Variants in PCNX2 observed in about 807,000 individuals in gnomAD.
PCNX2 encodes the protein pecanex-like protein 2.
PCNX2 carries 168 observed loss-of-function variants against 223.8 expected under a neutral mutation model. The ratio of observed to expected loss-of-function variants is 0.75; its 90% confidence interval spans 0.66 to 0.85. The LOEUF is 0.85. Ranked by LOEUF, PCNX2 falls within the 40% of genes least tolerant of loss-of-function variation. The pLI is 0.00. For synonymous variants in PCNX2, 1,006 were observed against 1,052.6 expected (o/e 0.96, Z 0.86); for missense variants, 2,507 against 2,675.5 (o/e 0.94, Z 1.39).
the PCNX2 span, among the ~76,000 whole-genome samples, chr1:233,325,351 G>A: frequency 6.6e-6 from 1 of 152,010 alleles, no homozygotes; most frequent in Non-Finnish European, 1.5e-5. Context: ...AATAGCAAGC[G>A]AACTGGAATT....
intron 9 of PCNX2, among the ~76,000 whole-genome samples, chr1:233,232,351 G>A (rs1029251446): frequency 3.3e-5 from 5 of 152,176 alleles, no homozygotes; most frequent in Non-Finnish European, 7.3e-5. Flanking sequence ...GTTGGCTAAT[G>A]TAAGTGTTCT....
At chr1:233,231,163 C>A (rs1658036695) in intron 9 of PCNX2, among the ~76,000 whole-genome samples, 1 of 152,006 alleles carries the variant, frequency 6.6e-6, no homozygotes, top group African/African-American at 2.4e-5. Flanking sequence ...AGTCTGGGCT[C>A]TTTCTACAAT....
At position 233,259,047 on chromosome 1, in the gene PCNX2, G is replaced by T; in HGVS notation, c.815C>A (p.Ser272Tyr). ...ATTCTCACTCCCCCACGGCTGGAAAGAAACGTCTGTTTCTAGTAAGTCATA... is the reference window on the plus strand; with the variant it reads ...ATTCTCACTCCCCCACGGCTGGAAATAAACGTCTGTTTCTAGTAAGTCATA... ...SQYDLLETDV[S>Y]FQPWGSENSV... The change falls in exon 5 of 34, where the codon TCT becomes TAT. Residue 272 changes from serine (S) to tyrosine (Y), a missense_variant. By Grantham distance (144) the Ser-to-Tyr change is moderately radical. Transcript: ENST00000258229. 1 of 1,613,980 alleles carries T rather than the reference G, an allele frequency of 6.2e-7. No homozygotes were observed. The highest frequency in any genetic ancestry group is 8.5e-7 in the Non-Finnish European group (1 of 1,179,884).
At chr1:233,019,409 AG>A (rs770122735) in intron 26 of PCNX2, among the ~76,000 whole-genome samples, 76 of 152,276 alleles carry the variant, frequency 5.0e-4, no homozygotes, top group Non-Finnish European at 9.6e-4. Flanking sequence ...CTTCGATATA[AG>A]GAGGAAGGAA....
At chr1:233,186,631 T>C (rs1413727325) in intron 15 of PCNX2, among the ~76,000 whole-genome samples, 1 of 152,234 alleles carries the variant, frequency 6.6e-6, no homozygotes, top group Non-Finnish European at 1.5e-5. Flanking sequence ...TAGGTCAATA[T>C]GTGTCCCGCA....
intron 23 of PCNX2, among the ~76,000 whole-genome samples, chr1:233,075,989 CTAATAAAAATAG>C (rs1472945966): frequency 6.6e-6 from 1 of 152,056 alleles, no homozygotes; most frequent in Non-Finnish European, 1.5e-5. Flanking sequence ...GCAAATGCAA[CTAATAAAAATAG>C]TAATAAAAAA....
At chr1:233,202,311 C>A (rs1374173712) in intron 13 of PCNX2, 1 of 371,374 alleles carries the variant, frequency 2.7e-6, no homozygotes, top group African/African-American at 2.2e-5. Context: ...CCTCTCACTT[C>A]TTCCTAACTT....
intron 32 of PCNX2, among the ~76,000 whole-genome samples, chr1:232,993,152 C>G (rs1427256560): frequency 6.6e-6 from 1 of 152,158 alleles, no homozygotes; most frequent in Non-Finnish European, 1.5e-5. Flanking sequence ...CAGAAGAAGA[C>G]AGGCAGATGA....
chr1:233,007,323 C>T (rs6676972), intron 28 of PCNX2, among the ~76,000 whole-genome samples: 24,310 of 151,754 alleles, frequency 0.16, 2,517 homozygotes, highest in Non-Finnish European at 0.23. Flanking sequence ...CTCATTCTCA[C>T]GGATGCATGA....
At chr1:232,989,680 T>C (rs1159233565) in intron 32 of PCNX2, among the ~76,000 whole-genome samples, 2 of 152,150 alleles carry the variant, frequency 1.3e-5, no homozygotes, top group African/African-American at 2.4e-5. Context: ...TACACTAACA[T>C]GTAAGTAAAG....
At chr1:233,302,101 G>T in the PCNX2 span, among the ~76,000 whole-genome samples, 1 of 151,900 alleles carries the variant, frequency 6.6e-6, no homozygotes, top group Non-Finnish European at 1.5e-5. Context: ...CCAAGAACAA[G>T]CAATTGAAAA....
chr1:233,049,205 T>C (rs748578660), intron 25 of PCNX2, among the ~76,000 whole-genome samples: 3 of 152,116 alleles, frequency 2.0e-5, no homozygotes, highest in African/African-American at 4.8e-5. Context: ...GACAGGCCAA[T>C]ATCCCTGATG....
At chr1:233,047,809 G>A (rs553622222) in intron 25 of PCNX2, among the ~76,000 whole-genome samples, 3 of 152,110 alleles carry the variant, frequency 2.0e-5, no homozygotes, top group East Asian at 1.9e-4. Context: ...TCATCGAGGC[G>A]GAAAACTAAC....
intron 1 of PCNX2, among the ~76,000 whole-genome samples, chr1:233,274,672 A>G (rs1172471411): frequency 6.6e-6 from 1 of 152,216 alleles, no homozygotes; most frequent in Non-Finnish European, 1.5e-5. Flanking sequence ...GAAGTCACAC[A>G]TTTGAAAACT....
At chr1:233,174,705 A>G (rs1417159511) in intron 17 of PCNX2, among the ~76,000 whole-genome samples, 2 of 152,218 alleles carry the variant, frequency 1.3e-5, no homozygotes, top group Non-Finnish European at 1.5e-5. Flanking sequence ...AAATCTAAAC[A>G]TAATAAAGGG....
intron 21 of PCNX2, among the ~76,000 whole-genome samples, chr1:233,128,855 G>C (rs1381304240): frequency 6.6e-6 from 1 of 152,224 alleles, no homozygotes; most frequent in Admixed American, 6.5e-5. Context: ...GGAAGGGATC[G>C]AGGAAATGAA....
chr1:233,256,492 T>G (rs1039123514), intron 5 of PCNX2, among the ~76,000 whole-genome samples: 6 of 152,186 alleles, frequency 3.9e-5, no homozygotes, highest in Admixed American at 3.9e-4. Flanking sequence ...TGGGAAGGCC[T>G]TCATGCGCTC....
At chr1:233,081,351 T>C (rs1051339114) in intron 23 of PCNX2, among the ~76,000 whole-genome samples, 2 of 151,824 alleles carry the variant, frequency 1.3e-5, no homozygotes, top group Non-Finnish European at 2.9e-5. Flanking sequence ...ATCTCAAAAA[T>C]AAAAAAATAA....
intron 15 of PCNX2, among the ~76,000 whole-genome samples, chr1:233,198,690 G>A (rs541645442): frequency 1.6e-4 from 24 of 152,202 alleles, no homozygotes; most frequent in Non-Finnish European, 2.2e-4. Flanking sequence ...GTCACTAACC[G>A]ATCTTAGCAG....
Sources: gnomAD v4.1 joint callset for allele counts (sites outside exome capture counted in the v4.1 genomes callset) on GRCh38, gnomAD v4.1.1 for gene constraint, MANE v1.5 for transcripts, NCBI Gene and HGNC (gene_info 2026-07-23, HGNC 2026-07-21) for gene names.